Variants in RBFOX1 observed in about 807,000 individuals in gnomAD.
The protein encoded by RBFOX1 is RNA binding protein fox-1 homolog 1.
A neutral mutation model predicts 57.7 loss-of-function variants in RBFOX1; 8 were observed. The ratio of observed to expected loss-of-function variants is 0.14; its 90% CI spans 0.08 to 0.25. The LOEUF is 0.25. Ranked by LOEUF, RBFOX1 falls within the 10% of genes least tolerant of loss-of-function variation. The pLI is 1.00. For synonymous variants in RBFOX1, 326 were observed against 222.4 expected (o/e 1.47, Z -4.15); for missense variants, 611 against 548.5 (o/e 1.11, Z -1.14).
intron 4 of RBFOX1, among the ~76,000 whole-genome samples, chr16:7,391,260 C>A (rs974222247): frequency 6.6e-6 from 1 of 152,168 alleles, no homozygotes; most frequent in African/African-American, 2.4e-5. Context: ...TTTAGAATAG[C>A]ATTTGCTGAT....
At chr16:5,620,685 A>ATT (rs142416512) in intron 3 of RBFOX1, among the ~76,000 whole-genome samples, 13 of 151,756 alleles carry the variant, frequency 8.6e-5, no homozygotes, top group African/African-American at 2.9e-4. Flanking sequence ...TTACTCATTT[A>ATT]TTTTTTTGGT....
intron 3 of RBFOX1, among the ~76,000 whole-genome samples, chr16:6,942,677 C>G (rs943458829): frequency 1.3e-5 from 2 of 152,102 alleles, no homozygotes; most frequent in African/African-American, 4.8e-5. Context: ...TGGTGTCTGA[C>G]TTGGATGTGA....
chr16:6,535,666 C>G (rs959791274), intron 2 of RBFOX1, among the ~76,000 whole-genome samples: 1 of 152,188 alleles, frequency 6.6e-6, no homozygotes, highest in Non-Finnish European at 1.5e-5. Context: ...CTTGTAAAGA[C>G]CAGGATCCTG....
chr16:6,809,421 G>T (rs1025241919), intron 3 of RBFOX1, among the ~76,000 whole-genome samples: 13 of 152,092 alleles, frequency 8.5e-5, no homozygotes, highest in Admixed American at 7.2e-4. Context: ...TAAAATTTTT[G>T]TGGATATACA....
At chr16:6,827,158 T>TG (rs1338998149) in intron 3 of RBFOX1, among the ~76,000 whole-genome samples, 1 of 151,800 alleles carries the variant, frequency 6.6e-6, no homozygotes. Context: ...AAGAGGACAC[T>TG]ATTTTTTACA....
At chr16:7,676,276 G>C (rs541795108) in intron 13 of RBFOX1, among the ~76,000 whole-genome samples, 7 of 152,128 alleles carry the variant, frequency 4.6e-5, no homozygotes, top group African/African-American at 1.4e-4. Flanking sequence ...CAACCAGATA[G>C]GTAAGAGATT....
At chr16:5,454,096 G>C (rs867293783) in intron 1 of RBFOX1, among the ~76,000 whole-genome samples, 47 of 152,358 alleles carry the variant, frequency 3.1e-4, no homozygotes, top group African/African-American at 1.1e-3. Context: ...CAGCCTGTAT[G>C]AGGAGTTTGG....
intron 3 of RBFOX1, among the ~76,000 whole-genome samples, chr16:7,032,514 A>G (rs916171737): frequency 1.3e-5 from 2 of 152,100 alleles, no homozygotes; most frequent in South Asian, 2.1e-4. Context: ...AATAAAACCT[A>G]TGGTCATGAG....
At position 5,274,993 on chromosome 16, in the gene RBFOX1, G is replaced by C. The variant is rs555497503; in HGVS notation, c.219+34888G>C. On this transcript the variant is annotated intron_variant, in intron 1 of 2. Coordinates refer to the RBFOX1 transcript ENST00000585867. ...ACCGGAGATAGCTGATGCGAAGCTT[G>C]GGTAAATTAGTAGCTTGAGATGTTA... Among the ~76,000 whole-genome samples, 116 of 152,346 alleles carry C rather than the reference G, an allele frequency of 7.6e-4. 1 individual carries two copies. Among genetic ancestry groups the C allele is most frequent in the African/African-American group, 2.5e-3 (105 of 41,588 alleles).
chr16:6,181,621 C>T (rs866122404), intron 1 of RBFOX1, among the ~76,000 whole-genome samples: 1 of 152,274 alleles, frequency 6.6e-6, no homozygotes. Flanking sequence ...TAGTCTATTC[C>T]TGTGGTGGGG....
chr16:5,714,879 A>G lies in RBFOX1; in HGVS notation c.318+115918A>G, dbSNP rs572585298. Reference sequence around the variant, plus strand: ...AGCCAAGGTCACGTAGCTAGTAGACATCTCAGTGACTTCAGTGTCAAACAC... The same window carrying G: ...AGCCAAGGTCACGTAGCTAGTAGACGTCTCAGTGACTTCAGTGTCAAACAC... On this transcript the variant is annotated intron_variant, in intron 3 of 19. Transcript: ENST00000641259. Among the ~76,000 whole-genome samples the G allele has an allele frequency of 2.6e-5, 4 of 152,262 alleles. No homozygotes were observed. In the East Asian group the frequency reaches 7.7e-4, roughly 29 times the overall value.
chr16:7,001,440 A>T (rs2092794022), intron 3 of RBFOX1, among the ~76,000 whole-genome samples: 2 of 151,850 alleles, frequency 1.3e-5, no homozygotes, highest in Admixed American at 1.3e-4. Flanking sequence ...GTATATGTAT[A>T]TGTATATGTA....
intron 1 of RBFOX1, among the ~76,000 whole-genome samples, chr16:6,152,009 T>A (rs1451603805): frequency 1.3e-5 from 2 of 152,164 alleles, no homozygotes; most frequent in East Asian, 3.9e-4. Context: ...ATTCCTTGGG[T>A]TTCTAAATGA....
At chr16:5,760,249 C>A (rs950648508) in intron 3 of RBFOX1, among the ~76,000 whole-genome samples, 1 of 152,030 alleles carries the variant, frequency 6.6e-6, no homozygotes, top group Admixed American at 6.6e-5. Context: ...CAAACAGAGA[C>A]AGTTGGTTGC....
intron 2 of RBFOX1, among the ~76,000 whole-genome samples, chr16:6,561,807 G>A (rs1158102994): frequency 6.6e-6 from 1 of 152,116 alleles, no homozygotes; most frequent in Non-Finnish European, 1.5e-5. Flanking sequence ...CATGTGTAGG[G>A]GCCAGTTTTT....
intron 4 of RBFOX1, among the ~76,000 whole-genome samples, chr16:7,500,774 C>T (rs1350840797): frequency 6.6e-6 from 1 of 152,170 alleles, no homozygotes; most frequent in Non-Finnish European, 1.5e-5. Flanking sequence ...CAACCTATCC[C>T]ATGATATGGT....
At chr16:5,369,247 C>A (rs2065801059) in intron 1 of RBFOX1, among the ~76,000 whole-genome samples, 1 of 152,162 alleles carries the variant, frequency 6.6e-6, no homozygotes, top group Non-Finnish European at 1.5e-5. Context: ...AGTGATCCAC[C>A]CACCTTGGTC....
chr16:7,586,403 G>A (rs1458207450), intron 6 of RBFOX1, among the ~76,000 whole-genome samples: 1 of 152,146 alleles, frequency 6.6e-6, no homozygotes, highest in African/African-American at 2.4e-5. Flanking sequence ...ATTGCTTGAT[G>A]TACATTTCTC....
At chr16:6,744,975 C>T (rs527796949) in intron 3 of RBFOX1, among the ~76,000 whole-genome samples, 80 of 151,696 alleles carry the variant, frequency 5.3e-4, no homozygotes, top group Non-Finnish European at 9.1e-4. Flanking sequence ...ATACAAATTA[C>T]CAATATCAGT....
Sources: gnomAD v4.1 joint callset for allele counts (sites outside exome capture counted in the v4.1 genomes callset) on GRCh38, gnomAD v4.1.1 for gene constraint, MANE v1.5 for transcripts, NCBI Gene and HGNC (gene_info 2026-07-23, HGNC 2026-07-21) for gene names.